ANK2: variants seen among roughly 807,000 people sequenced by gnomAD.
The protein encoded by ANK2 is ankyrin-2.
Under a neutral mutation model 360.5 loss-of-function variants are expected in ANK2, and 83 were observed. The observed-to-expected ratio is 0.23, with a 90% CI of 0.19 to 0.28. The LOEUF is 0.28. Among genes scored for constraint, ANK2 ranks in the 10% least tolerant of loss-of-function variants. The pLI, the probability that ANK2 is intolerant of heterozygous loss-of-function variation, is 1.00. For synonymous variants in ANK2, 1,740 were observed against 1,759.5 expected (o/e 0.99, Z 0.28); for missense variants, 4,201 against 4,795.7 (o/e 0.88, Z 3.66).
chr4:112,982,180 A>G (rs1439333159), intron 2 of ANK2, among the ~76,000 whole-genome samples: 5 of 143,628 alleles, frequency 3.5e-5, no homozygotes, highest in Non-Finnish European at 7.5e-5. Flanking sequence ...TTAAAAGAAG[A>G]AAAATTTTTT....
chr4:113,285,938 C>T (rs2064361908), intron 18 of ANK2, among the ~76,000 whole-genome samples: 1 of 152,158 alleles, frequency 6.6e-6, no homozygotes, highest in Non-Finnish European at 1.5e-5. Flanking sequence ...CAACTGTGGA[C>T]AAAAACCTAT....
rs372730660 is a variant in ANK2, at chr4:112,935,671, G to A, written c.21+31157G>A. On this transcript the variant is annotated intron_variant, in intron 2 of 30. Coordinates refer to the ANK2 transcript ENST00000503271. ...AGCCTGGGCAACATGGCAAAACCCCGTCTTTATAAAAAATACAAAAATTAG... is the reference window on the plus strand; with the variant it reads ...AGCCTGGGCAACATGGCAAAACCCCATCTTTATAAAAAATACAAAAATTAG... 8.5e-5 allele frequency among the ~76,000 whole-genome samples: 13 copies of A among 152,158 alleles called. No individual in the cohort carries two copies. The South Asian group carries it at 1.2e-3, about 15-fold the overall frequency.
At chr4:112,733,405 G>A in the ANK2 span, among the ~76,000 whole-genome samples, 2 of 151,994 alleles carry the variant, frequency 1.3e-5, no homozygotes, top group Admixed American at 1.3e-4. Context: ...TTGGAGGTCC[G>A]GTATCTGCTC....
At chr4:112,870,866 A>G (rs1251734321) in intron 1 of ANK2, among the ~76,000 whole-genome samples, 8 of 152,218 alleles carry the variant, frequency 5.3e-5, no homozygotes, top group Admixed American at 5.2e-4. Flanking sequence ...GAATTTGTAG[A>G]TCACTTTGGG....
At chr4:113,198,920 G>T in intron 3 of ANK2, 91 bp from the exon 4 acceptor site, 1 of 1,009,140 alleles carries the variant, frequency 9.9e-7, no homozygotes, top group Non-Finnish European at 1.6e-6. Context: ...ATCGGTTAAA[G>T]TGATTAGTGA....
chr4:112,754,141 ATATATAT>A, the ANK2 span, among the ~76,000 whole-genome samples: 7 of 131,800 alleles, frequency 5.3e-5, no homozygotes, highest in Admixed American at 7.5e-5. Context: ...ATATATATAT[ATATATAT>A]AAAATTGCAT....
At chr4:112,720,830 T>C in the ANK2 span, among the ~76,000 whole-genome samples, 1 of 152,182 alleles carries the variant, frequency 6.6e-6, no homozygotes. Context: ...TGTTGGCAAA[T>C]GGAAAAGTCA....
chr4:113,268,558 T>C (rs151256046), intron 14 of ANK2, among the ~76,000 whole-genome samples: 2,183 of 152,338 alleles, frequency 0.014, 24 homozygotes, highest in Non-Finnish European at 0.021. Context: ...ATTTATTGAT[T>C]TGCATATGTT....
intron 26 of ANK2, among the ~76,000 whole-genome samples, chr4:113,327,709 A>C (rs1356770648): frequency 6.6e-6 from 1 of 152,214 alleles, no homozygotes; most frequent in Non-Finnish European, 1.5e-5. Context: ...GAAAGTAAGC[A>C]GTTCCAAGTA....
At chr4:113,336,113 A>C in intron 30 of ANK2, 56 bp downstream of exon 30, 1 of 1,577,284 alleles carries the variant, frequency 6.3e-7, no homozygotes, top group Non-Finnish European at 8.7e-7. Context: ...AATGATTAAA[A>C]ATTAGCTTTG....
the ANK2 span, among the ~76,000 whole-genome samples, chr4:112,785,110 GA>G: frequency 6.6e-6 from 1 of 152,198 alleles, no homozygotes; most frequent in Non-Finnish European, 1.5e-5. Flanking sequence ...TTGCTGTAGA[GA>G]AAATCCATTT....
At chr4:113,197,129 A>G (rs1039304827) in intron 3 of ANK2, among the ~76,000 whole-genome samples, 1 of 152,230 alleles carries the variant, frequency 6.6e-6, no homozygotes, top group African/African-American at 2.4e-5. Flanking sequence ...AAGAACAAGT[A>G]ATTTTAAATG....
At chr4:112,731,798 G>A in the ANK2 span, among the ~76,000 whole-genome samples, 81 of 152,104 alleles carry the variant, frequency 5.3e-4, no homozygotes, top group African/African-American at 1.9e-3. Context: ...AATACTCAAA[G>A]TGCAGAAGCA....
chr4:112,881,941 C>A, intron 1 of ANK2: 1 of 651,332 alleles, frequency 1.5e-6, no homozygotes, highest in Non-Finnish European at 2.8e-6. Flanking sequence ...TTCACGGCTG[C>A]CATCTACCTC....
the ANK2 span, among the ~76,000 whole-genome samples, chr4:112,739,301 T>G: frequency 6.6e-6 from 1 of 152,162 alleles, no homozygotes; most frequent in Admixed American, 6.6e-5. Context: ...TGCGCCCGGC[T>G]GGAATGAATG....
intron 4 of ANK2, among the ~76,000 whole-genome samples, chr4:113,219,851 T>C (rs978516205): frequency 3.3e-5 from 5 of 152,202 alleles, no homozygotes; most frequent in Non-Finnish European, 7.4e-5. Flanking sequence ...TATATTTTGG[T>C]ATATACCAGA....
chr4:113,282,823 T>C lies in ANK2; in HGVS notation c.2030T>C (p.Met677Thr). 1.9e-6 allele frequency: 3 copies of C among 1,614,010 alleles called. No individual in the cohort carries two copies. Among genetic ancestry groups the C allele is most frequent in the Admixed American group, 1.7e-5 (1 of 59,998 alleles). The change falls in exon 18 of 46, where the codon ATG becomes ACG. Residue 677 changes from methionine (M) to threonine (T), a missense_variant. Met to Thr is a moderately conservative substitution (Grantham distance 81). This residue lies in a region of ANK2 where 1,268 missense variants were observed against 1,650.8 expected (regional missense o/e 0.77). Coordinates refer to ENST00000357077, the MANE Select transcript of ANK2 (RefSeq NM_001148.6). ...HLASQEGHTDMVTLLLDKGAN... is the reference protein window; with the variant it reads ...HLASQEGHTDTVTLLLDKGAN... ...GCCTCGCAGGAGGGGCACACAGATA[T>C]GGTTACCTTGCTTCTGGATAAGGGA...
intron 1 of ANK2, chr4:112,826,844 A>G: frequency 7.4e-7 from 1 of 1,349,988 alleles, no homozygotes; most frequent in Non-Finnish European, 1.1e-6. Flanking sequence ...ATGGAACAAT[A>G]TGCTTCAGGG....
At chr4:112,817,407 T>A (rs1370031401), upstream of ANK2, among the ~76,000 whole-genome samples, 1 of 152,166 alleles carries the variant, frequency 6.6e-6, no homozygotes, top group Admixed American at 6.5e-5. Flanking sequence ...AATGAATGAA[T>A]GTAAGCCTGA....
Sources: allele counts gnomAD v4.1 joint callset (sites outside exome capture counted in the v4.1 genomes callset), GRCh38; gene constraint gnomAD v4.1.1; regional missense constraint gnomAD v4.1.1; transcripts MANE v1.5; gene names NCBI Gene and HGNC (gene_info 2026-07-23, HGNC 2026-07-21).